Variants in CNTNAP2 observed in about 807,000 individuals in gnomAD.
CNTNAP2 encodes contactin associated protein 2.
Under a neutral mutation model 155.2 loss-of-function variants are expected in CNTNAP2, and 98 were observed. The observed-to-expected ratio is 0.63, with a 90% CI of 0.54 to 0.75. CNTNAP2 has a LOEUF of 0.75. CNTNAP2 is among the 30% of genes least tolerant of loss of function. The pLI is 0.00. For synonymous variants in CNTNAP2, 651 were observed against 631.2 expected (o/e 1.03, Z -0.47); for missense variants, 1,727 against 1,688.1 (o/e 1.02, Z -0.40).
At chr7:147,983,585 T>G (rs1233863980) in intron 15 of CNTNAP2, among the ~76,000 whole-genome samples, 2 of 152,232 alleles carry the variant, frequency 1.3e-5, no homozygotes, top group Non-Finnish European at 1.5e-5. Flanking sequence ...AATTTGGTTT[T>G]TATATGTTTT....
chr7:146,572,468 A>G (rs1297916951), intron 1 of CNTNAP2, among the ~76,000 whole-genome samples: 1 of 152,094 alleles, frequency 6.6e-6, no homozygotes, highest in East Asian at 1.9e-4. Context: ...ATAATGGGTT[A>G]CATTGCTATT....
At position 147,613,329 on chromosome 7, in the gene CNTNAP2, C is replaced by T. The variant is rs553650989; in HGVS notation, c.1898-25777C>T. Among the ~76,000 whole-genome samples, 31 of 152,188 alleles carry T rather than the reference C, an allele frequency of 2.0e-4. 1 individual carries two copies. The highest frequency in any genetic ancestry group is 6.7e-4 in the African/African-American group (28 of 41,526). On this transcript the variant is annotated intron_variant, in intron 12 of 23. Transcript: ENST00000361727. The stretch of plus-strand genomic sequence containing the variant: ...ATGTTTCTTGCCTATTTTTCTTTTG[C>T]GTTATTTCCGTTTCTGTTAACTACT...
chr7:147,358,243 G>A (rs1279687940), intron 9 of CNTNAP2, among the ~76,000 whole-genome samples: 1 of 151,980 alleles, frequency 6.6e-6, no homozygotes, highest in African/African-American at 2.4e-5. Flanking sequence ...GGACATATTT[G>A]AAAAATAAGC....
intron 4 of CNTNAP2, among the ~76,000 whole-genome samples, chr7:147,068,702 A>G (rs573515929): frequency 1.3e-5 from 2 of 152,226 alleles, no homozygotes; most frequent in African/African-American, 4.8e-5. Context: ...GGCTATCTCC[A>G]ATAGTCTAGC....
At position 148,393,825 on chromosome 7, in the gene CNTNAP2, A is replaced by T. The variant is rs548105083; in HGVS notation, c.3715+9937A>T. Among the ~76,000 whole-genome samples the T allele has an allele frequency of 6.6e-5, 10 of 152,168 alleles. No individual in the cohort carries two copies. The South Asian group carries it at 2.1e-3, about 32-fold the overall frequency. On this transcript the variant is annotated intron_variant, in intron 22 of 23. Transcript: ENST00000361727. ...ATTTCATTAATTATGAGTTGGGTTAAGTATCTTTGCATATGTTTATATATC... is the reference window on the plus strand; with the variant it reads ...ATTTCATTAATTATGAGTTGGGTTATGTATCTTTGCATATGTTTATATATC...
At chr7:146,671,416 CTT>C (rs1229399300) in intron 1 of CNTNAP2, among the ~76,000 whole-genome samples, 1 of 151,412 alleles carries the variant, frequency 6.6e-6, no homozygotes, top group Non-Finnish European at 1.5e-5. Flanking sequence ...CTGTTTCTCT[CTT>C]TTTTTGTCAC....
At chr7:147,624,627 T>C (rs1794936350) in intron 12 of CNTNAP2, among the ~76,000 whole-genome samples, 3 of 152,084 alleles carry the variant, frequency 2.0e-5, no homozygotes, top group African/African-American at 4.8e-5. Flanking sequence ...GGTGAGGATA[T>C]GGGGAACAGG....
intron 1 of CNTNAP2, among the ~76,000 whole-genome samples, chr7:146,746,604 CCAAT>C (rs1418865135): frequency 1.3e-5 from 2 of 152,132 alleles, no homozygotes; most frequent in Admixed American, 6.5e-5. Context: ...TGCAATTTTA[CCAAT>C]CAAATATGAC....
Position 147,108,360 on chromosome 7 carries a change from G to T in CNTNAP2, c.754+10G>T. On this transcript the variant is annotated intron_variant, in intron 5 of 23. Transcript: ENST00000361727. ...CTCAGTTTAAACTTAGGTGTGTTCT[G>T]ACTGTCAGTTCTATTCTTTCCGTTA... 1 of 1,609,790 alleles carries T rather than the reference G, an allele frequency of 6.2e-7. No homozygotes were observed. Among genetic ancestry groups the T allele is most frequent in the South Asian group, 1.1e-5 (1 of 90,688 alleles).
intron 3 of CNTNAP2, among the ~76,000 whole-genome samples, chr7:146,874,662 A>T (rs1031893487): frequency 1.3e-5 from 2 of 152,178 alleles, no homozygotes; most frequent in African/African-American, 4.8e-5. Context: ...TATAACAGAA[A>T]ATTGTAATTG....
intron 20 of CNTNAP2, among the ~76,000 whole-genome samples, chr7:148,247,531 T>C (rs995672371): frequency 3.3e-5 from 5 of 152,086 alleles, no homozygotes; most frequent in Admixed American, 3.3e-4. Context: ...ATCTTTGTTT[T>C]TCTTTGCAAT....
At chr7:146,629,828 C>T (rs1799481219) in intron 1 of CNTNAP2, among the ~76,000 whole-genome samples, 1 of 151,968 alleles carries the variant, frequency 6.6e-6, no homozygotes, top group South Asian at 2.1e-4. Context: ...ACAGAAACTG[C>T]AAATAATAGT....
At chr7:146,671,312 G>A (rs999715208) in intron 1 of CNTNAP2, among the ~76,000 whole-genome samples, 26 of 151,994 alleles carry the variant, frequency 1.7e-4, no homozygotes, top group African/African-American at 6.0e-4. Flanking sequence ...GAAAATAAGA[G>A]GCAAGCTACT....
Position 146,763,834 on chromosome 7 carries a change from A to G in CNTNAP2, c.98-10437A>G, listed in dbSNP as rs113609545. 6.5e-3 allele frequency among the ~76,000 whole-genome samples: 987 copies of G among 152,250 alleles called. 12 individuals carry two copies. Among genetic ancestry groups the G allele is most frequent in the African/African-American group, 0.022 (932 of 41,554 alleles). ...CCTATCATGCCATAAACATTTGTCA[A>G]TTGATTAAGGATTTTTCTACAGCTT... On this transcript the variant is annotated intron_variant, in intron 1 of 23. Coordinates refer to ENST00000361727, the MANE Select transcript of CNTNAP2 (RefSeq NM_014141.6).
chr7:147,017,831 T>C (rs1798751199), intron 3 of CNTNAP2, among the ~76,000 whole-genome samples: 1 of 152,132 alleles, frequency 6.6e-6, no homozygotes, highest in East Asian at 1.9e-4. Flanking sequence ...ATAAAAGATA[T>C]GAGAGAATAT....
chr7:146,187,666 T>C (rs1798643680), intron 1 of CNTNAP2, among the ~76,000 whole-genome samples: 1 of 151,996 alleles, frequency 6.6e-6, no homozygotes. Flanking sequence ...CTCCCCCTCC[T>C]TCCCTCTCTT....
chr7:147,279,526 A>T (rs1165879938), intron 8 of CNTNAP2, among the ~76,000 whole-genome samples: 3 of 151,838 alleles, frequency 2.0e-5, no homozygotes, highest in Non-Finnish European at 4.4e-5. Flanking sequence ...ATAAAATGAT[A>T]ACTTTGTCTT....
At chr7:146,627,288 A>G (rs1348409728) in intron 1 of CNTNAP2, among the ~76,000 whole-genome samples, 1 of 152,146 alleles carries the variant, frequency 6.6e-6, no homozygotes, top group African/African-American at 2.4e-5. Flanking sequence ...AAAATTCAAG[A>G]TGAGATTTGG....
At chr7:146,913,111 G>C (rs1260551212) in intron 3 of CNTNAP2, among the ~76,000 whole-genome samples, 2 of 152,138 alleles carry the variant, frequency 1.3e-5, no homozygotes, top group African/African-American at 4.8e-5. Flanking sequence ...AAGTTTCATA[G>C]AGAAAGAGGG....
Sources: allele counts gnomAD v4.1 joint callset (sites outside exome capture counted in the v4.1 genomes callset), GRCh38; gene constraint gnomAD v4.1.1; transcripts MANE v1.5; gene names NCBI Gene and HGNC (gene_info 2026-07-23, HGNC 2026-07-21).